ZC3HC1: variants seen among roughly 807,000 people sequenced by gnomAD.
ZC3HC1 encodes the protein zinc finger C3HC-type protein 1.
In ZC3HC1, 38 loss-of-function variants were observed where a neutral mutation model predicts 61.9. The observed-to-expected ratio is 0.61, with a 90% CI of 0.47 to 0.81. ZC3HC1 has a LOEUF of 0.81. ZC3HC1 is among the 30% of genes least tolerant of loss of function. The pLI, the probability that ZC3HC1 is intolerant of heterozygous loss-of-function variation, is 0.00. For synonymous variants in ZC3HC1, 213 were observed against 229.9 expected, an observed-to-expected ratio of 0.93 and a Z score of 0.67; for missense variants, 554 against 622.7, an observed-to-expected ratio of 0.89 and a Z score of 1.17.
Position 130,040,937 on chromosome 7 carries a change from T to A in ZC3HC1, c.409+14A>T. On this transcript the variant is annotated intron_variant, in intron 3 of 9. Coordinates refer to ENST00000358303, the MANE Select transcript of ZC3HC1 (RefSeq NM_016478.5). ...TGAGTGTGGAGAAAAATGTAATTTGTACCTTATACTTACATCTGTCAAAGT... is the reference window on the plus strand; with the variant it reads ...TGAGTGTGGAGAAAAATGTAATTTGAACCTTATACTTACATCTGTCAAAGT... The A allele has an allele frequency of 6.2e-7, 1 of 1,601,074 alleles. No homozygotes were observed. Among genetic ancestry groups the A allele is most frequent in the Non-Finnish European group, 8.5e-7 (1 of 1,175,746 alleles).
rs1470623702 is a variant in ZC3HC1 at position 130,049,158 on chromosome 7, G to GC, written c.147-15dup. ...GACGTGTCCTTCCTAATATAAAGTG[G>GC]CAAAACTGTTGGTAAACCTTTCACA... On this transcript the variant is annotated splice_polypyrimidine_tract_variant and intron_variant, in intron 1 of 9. Coordinates refer to ENST00000358303, the MANE Select transcript of ZC3HC1 (RefSeq NM_016478.5). The GC allele has an allele frequency of 6.3e-7, 1 of 1,577,212 alleles. No individual in the cohort carries two copies. The highest frequency in any genetic ancestry group is 1.2e-5 in the South Asian group (1 of 83,698).
chr7:130,027,530 T>C (rs1285336451), intron 5 of ZC3HC1: 1 of 152,826 alleles, frequency 6.5e-6, no homozygotes, highest in African/African-American at 2.4e-5. Context: ...GCATTTATTT[T>C]ATTTTTGAGA....
intron 4 of ZC3HC1, among the ~76,000 whole-genome samples, chr7:130,035,688 T>C (rs1794405612): frequency 6.6e-6 from 1 of 152,148 alleles, no homozygotes; most frequent in Non-Finnish European, 1.5e-5. Flanking sequence ...TTCACCACAT[T>C]GGCTAGGCTG....
intron 4 of ZC3HC1, among the ~76,000 whole-genome samples, chr7:130,029,822 T>A (rs562364072): frequency 9.2e-4 from 140 of 152,280 alleles, no homozygotes; most frequent in South Asian, 6.2e-4. Flanking sequence ...ATTTTATAAC[T>A]ACCAAGTTAT....
intron 4 of ZC3HC1, among the ~76,000 whole-genome samples, chr7:130,035,128 G>A (rs1463767192): frequency 6.6e-6 from 1 of 152,072 alleles, no homozygotes; most frequent in Non-Finnish European, 1.5e-5. Flanking sequence ...AGTGGTTCAC[G>A]CTTGTAATCA....
intron 4 of ZC3HC1, among the ~76,000 whole-genome samples, chr7:130,039,087 C>A (rs1441067684): frequency 6.6e-6 from 1 of 151,606 alleles, no homozygotes; most frequent in African/African-American, 2.4e-5. Context: ...CCCTGTAATC[C>A]CAATCCCAGC....
Position 130,039,453 on chromosome 7 carries a change from A to G in ZC3HC1, c.493+11T>C, listed in dbSNP as rs765562676. ...GAAAAATGGTGAACAGGAATTCTCA[A>G]AAATAAGTACCTGGGGATGGGCTGT... On this transcript the variant is annotated intron_variant, in intron 4 of 9. Coordinates refer to ENST00000358303, the MANE Select transcript of ZC3HC1 (RefSeq NM_016478.5). The G allele has an allele frequency of 6.2e-7, 1 of 1,605,192 alleles. No individual in the cohort carries two copies. The highest frequency in any genetic ancestry group is 2.2e-5 in the East Asian group (1 of 44,832).
rs1403646828 is a variant in ZC3HC1, at chr7:130,018,560, A to G, written c.*104T>C. 1 of 989,604 alleles carries G rather than the reference A, an allele frequency of 1.0e-6. No homozygotes were observed. The allele number at this position is 989,604 out of a possible 1,614,324, so 61.3% of individuals were successfully genotyped here. On this transcript the variant is annotated 3_prime_UTR_variant, in exon 10 of 10. Transcript: ENST00000358303. ...GCAGGGGGCTCCTTATGATTAACCC[A>G]GAACAGGAAAAACTTAGTGTCAGCT...
Position 130,051,350 on chromosome 7 carries a change from T to G in ZC3HC1, c.17A>C (p.Glu6Ala), listed in dbSNP as rs1469896292. Reference sequence around the variant, plus strand: ...AACCCCTACGGCAAACGCTTGTCCCTCACAGGGCGCCGCCATCTTGGTCCG... The same window carrying G: ...AACCCCTACGGCAAACGCTTGTCCCGCACAGGGCGCCGCCATCTTGGTCCG... MAAPC[E>A]GQAFAVGVEK... The change falls in exon 1 of 10, where the codon GAG becomes GCG. Residue 6 changes from glutamate to alanine, a missense_variant. Glu to Ala is a moderately radical substitution (Grantham distance 107). Transcript: ENST00000358303. 6.2e-7 allele frequency: 1 copy of G among 1,612,846 alleles called. No homozygotes were observed. The highest frequency in any genetic ancestry group is 1.1e-5 in the South Asian group (1 of 90,828).
intron 5 of ZC3HC1, among the ~76,000 whole-genome samples, chr7:130,027,944 G>A (rs1457849172): frequency 2.0e-5 from 3 of 151,430 alleles, no homozygotes; most frequent in African/African-American, 4.8e-5. Context: ...CGAGGTGGGC[G>A]GATCACGAGG....
chr7:130,031,795 G>A (rs1243209423), intron 4 of ZC3HC1, among the ~76,000 whole-genome samples: 1 of 152,154 alleles, frequency 6.6e-6, no homozygotes, highest in Admixed American at 6.6e-5. Context: ...AGGAAGTGAA[G>A]GCTAACACAG....
intron 5 of ZC3HC1, chr7:130,026,625 A>C: frequency 4.8e-6 from 1 of 208,532 alleles, no homozygotes; most frequent in Admixed American, 5.5e-5. Flanking sequence ...TCAAACCCAA[A>C]TAGTGAAGAC....
chr7:130,026,006 A>G, intron 6 of ZC3HC1, 152 bp downstream of exon 6: 4 of 766,838 alleles, frequency 5.2e-6, no homozygotes, highest in Non-Finnish European at 7.7e-6. Flanking sequence ...CTTATTATCC[A>G]TTCTCCTCGC....
At chr7:130,029,402 A>T (rs1794078300) in intron 4 of ZC3HC1, among the ~76,000 whole-genome samples, 2 of 152,142 alleles carry the variant, frequency 1.3e-5, no homozygotes, top group Admixed American at 6.6e-5. Flanking sequence ...TAAAATAAAT[A>T]AAAAACACAT....
chr7:130,032,723 G>GA (rs1314383396), intron 4 of ZC3HC1, among the ~76,000 whole-genome samples: 59 of 103,122 alleles, frequency 5.7e-4, no homozygotes, highest in South Asian at 7.2e-4. Flanking sequence ...GGAAGGGAAG[G>GA]AGGGAGGGAG....
Position 130,051,265 on chromosome 7 carries a change from C to T in ZC3HC1, c.102G>A (p.Gln34=). ...SPEGTPQKIR[Q]LIDEGIAPEE... ...CCGGGGCAATCCCCTCATCTATCAGCTGCCGGATTTTCTGGGGGGTCCCTT... is the reference window on the plus strand; with the variant it reads ...CCGGGGCAATCCCCTCATCTATCAGTTGCCGGATTTTCTGGGGGGTCCCTT... Residue 34 remains glutamine (Q), a synonymous_variant, in exon 1 of 10, where the codon CAG becomes CAA. Coordinates refer to ENST00000358303, the MANE Select transcript of ZC3HC1 (RefSeq NM_016478.5). 1 of 1,612,304 alleles carries T rather than the reference C, an allele frequency of 6.2e-7. No individual in the cohort carries two copies. The highest frequency in any genetic ancestry group is 2.2e-5 in the East Asian group (1 of 44,700).
In ZC3HC1 at chr7:130,023,456, G is replaced by A. The variant is rs545578852; in HGVS notation, c.1233+55C>T. 248 of 1,560,518 alleles carry A rather than the reference G, an allele frequency of 1.6e-4. No homozygotes were observed. In the African/African-American group the frequency reaches 2.8e-3, roughly 18 times the overall value. ...TGCCTGCTTCTCCATGCTGCCTAGG[G>A]AGGGCCCAATATGCTGTTTATGCTC... On this transcript the variant is annotated intron_variant, in intron 8 of 9. Transcript: ENST00000358303. This position sits in a 1 kb window ranked among gnomAD's most constrained non-coding sequence, Gnocchi z 4.2.
intron 4 of ZC3HC1, among the ~76,000 whole-genome samples, chr7:130,037,289 C>G (rs1794467483): frequency 6.6e-6 from 1 of 152,062 alleles, no homozygotes; most frequent in Non-Finnish European, 1.5e-5. Flanking sequence ...ACTAAAAATA[C>G]AAAAATTAGC....
In ZC3HC1 at chr7:130,028,886, G is replaced by A. The variant is rs892477669; in HGVS notation, c.621+16C>T. On this transcript the variant is annotated intron_variant, in intron 5 of 9. Transcript: ENST00000358303. Reference sequence around the variant, plus strand: ...AACAACTGGAGGCCATTGCAGCCTAGTCAGGAAAAACTCACCATAGTTTTC... The same window carrying A: ...AACAACTGGAGGCCATTGCAGCCTAATCAGGAAAAACTCACCATAGTTTTC... The A allele has an allele frequency of 1.9e-6, 3 of 1,609,552 alleles. No homozygotes were observed. The Admixed American group carries it at 5.0e-5, about 27-fold the overall frequency.
Sources: gnomAD v4.1 joint callset for allele counts (sites outside exome capture counted in the v4.1 genomes callset) on GRCh38, gnomAD v4.1.1 for gene constraint, Gnocchi (gnomAD v3.1) non-coding constraint, MANE v1.5 for transcripts, NCBI Gene and HGNC (gene_info 2026-07-23, HGNC 2026-07-21) for gene names.